The following AJAP1 variants were observed in gnomAD, a reference collection of about 807,000 sequenced individuals.
AJAP1 encodes the protein adherens junctions associated protein 1.
In AJAP1, 5 loss-of-function variants were observed where a neutral mutation model predicts 35.0. The ratio of observed to expected loss-of-function variants is 0.14; its 90% CI spans 0.07 to 0.30. The LOEUF is 0.30. AJAP1 is among the 10% of genes least tolerant of loss of function. The pLI, the probability that AJAP1 is intolerant of heterozygous loss-of-function variation, is 1.00. For synonymous variants in AJAP1, 284 were observed against 249.3 expected (o/e 1.14, Z -1.31); for missense variants, 586 against 571.0 (o/e 1.03, Z -0.27).
At chr1:4,749,246 G>A (rs115448249) in intron 2 of AJAP1, among the ~76,000 whole-genome samples, 1,913 of 152,218 alleles carry the variant, frequency 0.013, 42 homozygotes, top group African/African-American at 0.043. Context: ...CATATCAGGC[G>A]GACACACCTT....
chr1:4,666,394 T>C (rs12567266), intron 1 of AJAP1, among the ~76,000 whole-genome samples: 108,707 of 143,808 alleles, frequency 0.76, 41,739 homozygotes, highest in African/African-American at 0.79. Context: ...TGGAGCCATC[T>C]AGGGCCAGGG....
rs1222630472 is a variant in AJAP1 at position 4,712,391 on chromosome 1, C to T, written c.521C>T (p.Pro174Leu). Reference protein sequence around the residue: ...LSSFDSRGSRPTTETEFIAWG... With the variant: ...LSSFDSRGSRLTTETEFIAWG... ...AGCTTCGACTCCAGAGGCAGCCGGC[C>T]CACCACAGAGACTGAGTTCATCGCC... Residue 174 changes from proline to leucine, a missense_variant, in exon 2 of 6, where the codon CCC becomes CTC. Pro to Leu is a moderately conservative substitution (Grantham distance 98, BLOSUM62 -3). Coordinates refer to ENST00000378191, the MANE Select transcript of AJAP1 (RefSeq NM_018836.4). The T allele has an allele frequency of 3.2e-6, 5 of 1,568,750 alleles. No individual in the cohort carries two copies. The highest frequency in any genetic ancestry group is 1.2e-5 in the South Asian group (1 of 84,442).
At chr1:4,755,865 G>T (rs188313794) in intron 2 of AJAP1, among the ~76,000 whole-genome samples, 3 of 152,006 alleles carry the variant, frequency 2.0e-5, no homozygotes, top group Non-Finnish European at 2.9e-5. Flanking sequence ...AGTAAGGGGG[G>T]TTCTGGCTGT....
chr1:4,693,337 A>G lies in AJAP1; in HGVS notation c.30-18563A>G, dbSNP rs1241811106. Among the ~76,000 whole-genome samples the G allele has an allele frequency of 1.4e-5, 2 of 140,570 alleles. No homozygotes were observed. The highest frequency in any genetic ancestry group is 1.4e-4 in the Admixed American group (2 of 14,106). 92.2% of individuals were successfully genotyped at this position (140,570 alleles called of 152,430 possible). ...AGAGGGACTCTCGGCTTCGGAGGGA[A>G]GAACCCCATGGGGGACTGGGAGTCA... On this transcript the variant is annotated intron_variant, in intron 1 of 5. Transcript: ENST00000378191. This position sits in a 1 kb window ranked among gnomAD's most constrained non-coding sequence, Gnocchi z 4.4.
chr1:4,767,836 G>A (rs1188223203), intron 2 of AJAP1, among the ~76,000 whole-genome samples: 1 of 152,220 alleles, frequency 6.6e-6, no homozygotes, highest in Admixed American at 6.5e-5. Flanking sequence ...GACTGGGCCA[G>A]AGGGAGTGTG....
At chr1:4,690,934 C>T (rs551698845) in intron 1 of AJAP1, among the ~76,000 whole-genome samples, 59 of 152,176 alleles carry the variant, frequency 3.9e-4, no homozygotes, top group Non-Finnish European at 7.1e-4. Flanking sequence ...GACTCCTATC[C>T]CCTGTGCTGG....
intron 1 of AJAP1, among the ~76,000 whole-genome samples, chr1:4,710,618 G>T (rs1375457075): frequency 6.6e-6 from 1 of 152,262 alleles, no homozygotes; most frequent in African/African-American, 2.4e-5. Context: ...GCTTTGGGCG[G>T]CGTCAGGCTG....
At chr1:4,745,867 G>A (rs1166851292) in intron 2 of AJAP1, among the ~76,000 whole-genome samples, 2 of 152,136 alleles carry the variant, frequency 1.3e-5, no homozygotes, top group African/African-American at 2.4e-5. Context: ...GGGACACGTG[G>A]TGGGAGCATG....
chr1:4,777,535 G>A (rs1023682422), intron 5 of AJAP1: 1 of 152,248 alleles, frequency 6.6e-6, no homozygotes, highest in Non-Finnish European at 1.5e-5. Context: ...AGTGAAGCTG[G>A]CCTTTATGCT....
At chr1:4,717,282 A>G (rs757526898) in intron 2 of AJAP1, among the ~76,000 whole-genome samples, 5 of 152,198 alleles carry the variant, frequency 3.3e-5, no homozygotes, top group African/African-American at 7.2e-5. Flanking sequence ...TTAGTGCTCA[A>G]TGAAGGTTTC....
Position 4,769,836 on chromosome 1 carries a change from T to C in AJAP1, c.830-17T>C. 1 of 1,611,224 alleles carries C rather than the reference T, an allele frequency of 6.2e-7. No homozygotes were observed. Among genetic ancestry groups the C allele is most frequent in the Non-Finnish European group, 8.5e-7 (1 of 1,177,424 alleles). ...CTGGTTTCACGGGTGCCCTCTTCCC[T>C]CTTTCCTTCTTTCCAGGTCTGGCTG... On this transcript the variant is annotated splice_polypyrimidine_tract_variant and intron_variant, in intron 2 of 5. Transcript: ENST00000378191.
At chr1:4,725,069 C>G (rs1009252406) in intron 2 of AJAP1, among the ~76,000 whole-genome samples, 3 of 152,318 alleles carry the variant, frequency 2.0e-5, no homozygotes, top group Middle Eastern at 3.4e-3. Flanking sequence ...AAACTGCCTG[C>G]CAGCCCTCAG....
In AJAP1 at chr1:4,783,471, G is replaced by GTATATATATA. The variant is rs70957905; in HGVS notation, c.*1016_*1025dup. 3.3e-4 allele frequency: 19 copies of GTATATATATA among 57,784 alleles called. No homozygotes were observed. The highest frequency in any genetic ancestry group is 1.1e-3 in the South Asian group (2 of 1,826). 3.6% of individuals were successfully genotyped at this position (57,784 alleles called of 1,614,324 possible). A position where few individuals can be genotyped will look rare whatever the true frequency, so the allele number is the denominator to read the frequency against. ...ATGCCAAGGTTTTATATATGTGTGT[G>GTATATATATA]TATATATATATATATATATATATAT... On this transcript the variant is annotated 3_prime_UTR_variant, in exon 6 of 6. Transcript: ENST00000378191.
chr1:4,754,549 C>G (rs980750212), intron 2 of AJAP1, among the ~76,000 whole-genome samples: 3 of 152,210 alleles, frequency 2.0e-5, no homozygotes, highest in African/African-American at 7.2e-5. Context: ...GGATGGCTTC[C>G]TGGCCTCAAG....
In AJAP1 at chr1:4,656,440, G is replaced by C. The variant is rs1051713136; in HGVS notation, c.29+986G>C. Among the ~76,000 whole-genome samples the C allele has an allele frequency of 5.3e-5, 8 of 152,250 alleles. No individual in the cohort carries two copies. Among genetic ancestry groups the C allele is most frequent in the Non-Finnish European group, 1.2e-4 (8 of 68,046 alleles). On this transcript the variant is annotated intron_variant, in intron 1 of 5. Transcript: ENST00000378191. The surrounding 1 kb of genome is among the most constrained non-coding windows in gnomAD (Gnocchi z 5.7). The stretch of plus-strand genomic sequence containing the variant: ...AGGACAGAGGTGGAGGCGGAGAGCA[G>C]CGTGCGGTTCTCGAGTTTGTCCACT...
chr1:4,728,899 A>T (rs989083061), intron 2 of AJAP1, among the ~76,000 whole-genome samples: 1 of 151,906 alleles, frequency 6.6e-6, no homozygotes, highest in African/African-American at 2.4e-5. Flanking sequence ...GTCACCGGGG[A>T]CATGGGAGCT....
intron 2 of AJAP1, among the ~76,000 whole-genome samples, chr1:4,765,046 A>G (rs1008310254): frequency 3.3e-5 from 5 of 152,156 alleles, no homozygotes; most frequent in Admixed American, 1.3e-4. Flanking sequence ...ATAATTTTTC[A>G]TCATCTGGAT....
intron 2 of AJAP1, among the ~76,000 whole-genome samples, chr1:4,742,100 G>C (rs1048774017): frequency 6.6e-6 from 1 of 152,240 alleles, no homozygotes; most frequent in African/African-American, 2.4e-5. Flanking sequence ...GTTTTAAAGA[G>C]TGGGTGAACG....
chr1:4,728,916 G>T (rs187008497), intron 2 of AJAP1, among the ~76,000 whole-genome samples: 73 of 152,072 alleles, frequency 4.8e-4, no homozygotes, highest in African/African-American at 1.7e-3. Context: ...AGCTCTCCGG[G>T]GCTCCATCGG....
Sources: gnomAD v4.1 joint callset for allele counts (sites outside exome capture counted in the v4.1 genomes callset) on GRCh38, gnomAD v4.1.1 for gene constraint, Gnocchi (gnomAD v3.1) non-coding constraint, MANE v1.5 for transcripts, NCBI Gene and HGNC (gene_info 2026-07-23, HGNC 2026-07-21) for gene names.